Variants in UGT1A9 observed in about 807,000 individuals in gnomAD.
UGT1A9 encodes the protein UDP-glucuronosyltransferase 1A9.
In UGT1A9, 35 loss-of-function variants were observed where a neutral mutation model predicts 45.0. That is an observed-to-expected ratio of 0.78 (90% CI 0.59 to 1.03). UGT1A9 has a LOEUF of 1.03. UGT1A9 is among the 50% of genes least tolerant of loss of function. UGT1A9 has a pLI of 0.00. For synonymous variants in UGT1A9, 278 were observed against 250.6 expected (o/e 1.11, Z -1.03); for missense variants, 687 against 666.6 (o/e 1.03, Z -0.34).
rs758454924 is a variant in UGT1A9 at position 233,772,344 on chromosome 2, G to A, written c.1378G>A (p.Glu460Lys). The change falls in exon 5 of 5, where the codon GAG becomes AAG. Residue 460 changes from glutamate (E) to lysine (K), a missense_variant. Physicochemically the swap from Glu to Lys is moderately conservative, Grantham distance 56 (BLOSUM62 1). Transcript: ENST00000354728. ...EPLDLAVFWV[E>K]FVMRHKGAPH... ...GCTGGACCTGGCCGTGTTCTGGGTG[G>A]AGTTTGTGATGAGGCACAAGGGCGC... is the stretch of plus-strand genomic sequence containing the variant. 6.2e-7 allele frequency: 1 copy of A among 1,614,240 alleles called. No homozygotes were observed. The highest frequency in any genetic ancestry group is 2.2e-5 in the East Asian group (1 of 44,884).
chr2:233,718,866 C>G (rs2125663221), intron 1 of UGT1A9: 8 of 1,613,892 alleles, frequency 5.0e-6, no homozygotes, highest in South Asian at 1.1e-5. Context: ...GGCCACAGGA[C>G]TGCTGCTCCT....
chr2:233,724,822 C>G (rs372493213), intron 1 of UGT1A9, among the ~76,000 whole-genome samples: 1 of 136,056 alleles, frequency 7.3e-6, no homozygotes, highest in Admixed American at 7.2e-5. Context: ...GCTGCAATCT[C>G]GGCACTTTGG....
At chr2:233,743,080 T>G in intron 1 of UGT1A9, 1 of 343,656 alleles carries the variant, frequency 2.9e-6, no homozygotes. Flanking sequence ...TGGCATGAAG[T>G]GTTTATAAAT....
intron 1 of UGT1A9, among the ~76,000 whole-genome samples, chr2:233,715,166 G>A (rs568439911): frequency 2.0e-5 from 3 of 152,228 alleles, no homozygotes; most frequent in East Asian, 3.9e-4. Context: ...AATTACAGGC[G>A]CGAGCCACCA....
In UGT1A9 at chr2:233,769,723, C is replaced by G. The variant is rs1318643454; in HGVS notation, c.1295+1284C>G. On this transcript the variant is annotated intron_variant, in intron 4 of 4. Coordinates refer to ENST00000354728, the MANE Select transcript of UGT1A9 (RefSeq NM_021027.3). This position sits in a 1 kb window ranked among gnomAD's most constrained non-coding sequence, Gnocchi z 4.4. ...GATCAATGTTGGCTAGGCACCATGG[C>G]ACACGCCTGTAGTCCCAGCCACTCT... The G allele has an allele frequency of 3.1e-5, 46 of 1,484,642 alleles. No individual in the cohort carries two copies. The Middle Eastern group carries it at 1.2e-3, about 39-fold the overall frequency. 92.0% of individuals were successfully genotyped at this position (1,484,642 alleles called of 1,614,324 possible).
rs150454866 is a variant in UGT1A9 at position 233,672,715 on chromosome 2, T to C, written c.781T>C (p.Tyr261His). 4.4e-5 allele frequency: 71 copies of C among 1,613,982 alleles called. No individual in the cohort carries two copies. In the African/African-American group the frequency reaches 9.1e-4, roughly 21 times the overall value. Residue 261 changes from tyrosine (Y) to histidine (H), a missense_variant, in exon 1 of 5, where the codon TAT (tyrosine) becomes CAT (histidine). Physicochemically the swap from Tyr to His is moderately conservative, Grantham distance 83 (BLOSUM62 2). Coordinates refer to ENST00000354728, the MANE Select transcript of UGT1A9 (RefSeq NM_021027.3). ...GTTGCGAACGGACTTTGTTTTGGAC[T>C]ATCCCAAACCCGTGATGCCCAACAT... ...WLLRTDFVLD[Y>H]PKPVMPNMIF...
At position 233,768,432 on chromosome 2, in the gene UGT1A9, G is replaced by C; in HGVS notation, c.1288G>C (p.Asp430His). 6.2e-7 allele frequency: 1 copy of C among 1,613,814 alleles called. No individual in the cohort carries two copies. Among genetic ancestry groups the C allele is most frequent in the Non-Finnish European group, 8.5e-7 (1 of 1,179,896 alleles). The change falls in exon 4 of 5, where the codon GAC becomes CAC. Residue 430 changes from aspartate to histidine, a missense_variant. Physicochemically the swap from Asp to His is moderately conservative, Grantham distance 81. Coordinates refer to ENST00000354728, the MANE Select transcript of UGT1A9 (RefSeq NM_021027.3). ...AAATGCTCTAAAAGCAGTCATCAAT[G>C]ACAAAAGGTAAGAAAGAAGATACAG... is the stretch of plus-strand genomic sequence containing the variant. The part of the protein sequence containing the change: ...LENALKAVIN[D>H]KSYKENIMRL...
intron 1 of UGT1A9, among the ~76,000 whole-genome samples, chr2:233,756,709 T>A (rs1182039710): frequency 1.3e-5 from 2 of 152,126 alleles, no homozygotes; most frequent in Admixed American, 6.5e-5. Flanking sequence ...TTGGGGGGAC[T>A]TTTTTTGAGA....
intron 1 of UGT1A9, among the ~76,000 whole-genome samples, chr2:233,759,835 C>T (rs1697265176): frequency 6.6e-6 from 1 of 152,172 alleles, no homozygotes; most frequent in African/African-American, 2.4e-5. Flanking sequence ...GTGGAGTGGG[C>T]ACTCTTACAG....
At position 233,769,466 on chromosome 2, in the gene UGT1A9, T is replaced by C. The variant is rs1023177408; in HGVS notation, c.1295+1027T>C. On this transcript the variant is annotated intron_variant, in intron 4 of 4. Coordinates refer to ENST00000354728, the MANE Select transcript of UGT1A9 (RefSeq NM_021027.3). The surrounding 1 kb of genome is among the most constrained non-coding windows in gnomAD (Gnocchi z 4.4). ...GTGCACACGTGTGCATTCATATGCG[T>C]GTGTGTGTGTGTGCGTGTGTTTATG... 86 of 1,281,398 alleles carry C rather than the reference T, an allele frequency of 6.7e-5. No homozygotes were observed. The South Asian group carries it at 1.2e-3, about 18-fold the overall frequency. 79.4% of individuals were successfully genotyped at this position (1,281,398 alleles called of 1,614,324 possible).
At chr2:233,724,292 C>T (rs1379070155) in intron 1 of UGT1A9, among the ~76,000 whole-genome samples, 3 of 129,054 alleles carry the variant, frequency 2.3e-5, no homozygotes, top group African/African-American at 9.1e-5. Context: ...GGGGGGCTGA[C>T]CCCCCCACCT....
intron 1 of UGT1A9, among the ~76,000 whole-genome samples, chr2:233,765,603 T>TG (rs1226627495): frequency 6.6e-6 from 1 of 151,130 alleles, no homozygotes; most frequent in African/African-American, 2.4e-5. Context: ...CCAGGGCTTG[T>TG]GGCGGGGTGA....
chr2:233,673,439 A>G (rs1309452303), intron 1 of UGT1A9, among the ~76,000 whole-genome samples: 1 of 151,998 alleles, frequency 6.6e-6, no homozygotes, highest in East Asian at 1.9e-4. Context: ...CCGTGTAAAC[A>G]CTCTTTAATA....
At chr2:233,707,423 CT>C (rs1175644218) in intron 1 of UGT1A9, among the ~76,000 whole-genome samples, 1 of 151,946 alleles carries the variant, frequency 6.6e-6, no homozygotes, top group Non-Finnish European at 1.5e-5. Flanking sequence ...TCGACTATTT[CT>C]TTGCTTTTCT....
chr2:233,739,050 C>G (rs958760691), intron 1 of UGT1A9: 3 of 152,246 alleles, frequency 2.0e-5, no homozygotes, highest in African/African-American at 7.2e-5. Flanking sequence ...AGAGCTCAGG[C>G]CATTGCTTCA....
chr2:233,746,540 T>G (rs1172057692), intron 1 of UGT1A9, among the ~76,000 whole-genome samples: 2 of 151,806 alleles, frequency 1.3e-5, no homozygotes, highest in Admixed American at 6.5e-5. Context: ...TGCCCTGCTG[T>G]GTGACTTCTT....
intron 1 of UGT1A9, among the ~76,000 whole-genome samples, chr2:233,759,217 A>T (rs1421776019): frequency 1.3e-5 from 2 of 152,292 alleles, no homozygotes; most frequent in East Asian, 3.9e-4. Flanking sequence ...AGGTCCATTT[A>T]TGCAAATGAA....
chr2:233,688,933 G>C (rs1216013654), intron 1 of UGT1A9, among the ~76,000 whole-genome samples: 2 of 152,148 alleles, frequency 1.3e-5, no homozygotes, highest in Non-Finnish European at 2.9e-5. Context: ...AAGATGGCAG[G>C]TGCAGCATGA....
chr2:233,753,025 CA>C (rs2125918346), intron 1 of UGT1A9, among the ~76,000 whole-genome samples: 1 of 152,200 alleles, frequency 6.6e-6, no homozygotes, highest in South Asian at 2.1e-4. Flanking sequence ...ATTTACAACA[CA>C]AAAAACTACC....
Sources: allele counts gnomAD v4.1 joint callset (sites outside exome capture counted in the v4.1 genomes callset), GRCh38; gene constraint gnomAD v4.1.1; non-coding constraint Gnocchi (gnomAD v3.1); transcripts MANE v1.5; gene names NCBI Gene and HGNC (gene_info 2026-07-23, HGNC 2026-07-21).